Variants in FRMD3 observed in about 807,000 individuals in gnomAD.
FRMD3 encodes FERM domain-containing protein 3.
FRMD3 carries 33 observed loss-of-function variants against 70.2 expected under a neutral mutation model. The observed-to-expected ratio is 0.47, with a 90% CI of 0.36 to 0.63. The LOEUF is 0.63. FRMD3 is among the 20% of genes least tolerant of loss of function. FRMD3 has a pLI of 0.00. For missense variants in FRMD3, 632 were observed against 711.4 expected (o/e 0.89, Z 1.27); for synonymous variants, 279 against 255.9 (o/e 1.09, Z -0.86).
chr9:83,311,138 T>G (rs947968098), intron 8 of FRMD3, among the ~76,000 whole-genome samples: 3 of 152,134 alleles, frequency 2.0e-5, no homozygotes, highest in African/African-American at 7.2e-5. Flanking sequence ...TCTAAAAAAT[T>G]ATCCTTGTTT....
chr9:83,318,110 A>AT (rs1835654999), intron 6 of FRMD3, among the ~76,000 whole-genome samples: 1 of 152,198 alleles, frequency 6.6e-6, no homozygotes, highest in South Asian at 2.1e-4. Flanking sequence ...ATTTTATTTA[A>AT]TTTTTAATGT....
intron 1 of FRMD3, among the ~76,000 whole-genome samples, chr9:83,400,543 G>A (rs1245456860): frequency 1.3e-5 from 2 of 152,174 alleles, no homozygotes; most frequent in Non-Finnish European, 1.5e-5. Context: ...AGATTCTGAT[G>A]TTTTGTGAAA....
intron 13 of FRMD3, among the ~76,000 whole-genome samples, chr9:83,253,638 GAAATAGGAAC>G (rs1020409896): frequency 7.9e-5 from 12 of 152,328 alleles, no homozygotes; most frequent in Admixed American, 7.8e-4. Flanking sequence ...AGGATGTGGA[GAAATAGGAAC>G]ACTTTGACAC....
intron 6 of FRMD3, among the ~76,000 whole-genome samples, chr9:83,332,285 T>C (rs2131130952): frequency 6.6e-6 from 1 of 152,294 alleles, no homozygotes; most frequent in South Asian, 2.1e-4. Flanking sequence ...AACTTTTACC[T>C]TCAGTCATCA....
rs138936078 is a variant in FRMD3, at chr9:83,478,461, C to T, written c.147+59624G>A. On this transcript the variant is annotated intron_variant, in intron 1 of 13. Coordinates refer to ENST00000304195, the MANE Select transcript of FRMD3 (RefSeq NM_174938.6). ...TCAAAACCATAATGAGATACCACTTCACCCCATTAGGATAGCTATTATGAA... is the reference window on the plus strand; with the variant it reads ...TCAAAACCATAATGAGATACCACTTTACCCCATTAGGATAGCTATTATGAA... Among the ~76,000 whole-genome samples the T allele has an allele frequency of 2.7e-3, 415 of 152,290 alleles. 2 individuals are homozygous for T. Among genetic ancestry groups the T allele is most frequent in the African/African-American group, 9.6e-3 (397 of 41,564 alleles).
rs550936796 is a variant in FRMD3, at chr9:83,410,738, G to A, written c.148-21030C>T. 5.9e-5 allele frequency among the ~76,000 whole-genome samples: 9 copies of A among 152,294 alleles called. No homozygotes were observed. In the South Asian group the frequency reaches 8.3e-4, roughly 14 times the overall value. On this transcript the variant is annotated intron_variant, in intron 1 of 13. Transcript: ENST00000304195. ...AGAAATCTCCAAACTGCTTTCTACC[G>A]CAGCTGAACTAATTTACATTCTCAT...
intron 6 of FRMD3, 30 bp downstream of exon 6, chr9:83,335,486 C>A: frequency 6.3e-7 from 1 of 1,581,784 alleles, no homozygotes; most frequent in South Asian, 1.1e-5. Flanking sequence ...TCCCCTTTAT[C>A]ATTTTCACAA....
At chr9:83,330,457 A>G (rs1053468989) in intron 6 of FRMD3, among the ~76,000 whole-genome samples, 2 of 152,192 alleles carry the variant, frequency 1.3e-5, no homozygotes, top group African/African-American at 2.4e-5. Context: ...TCTGCACACC[A>G]AGCTTAAAGT....
chr9:83,391,809 C>T (rs1397011152), intron 1 of FRMD3, among the ~76,000 whole-genome samples: 3 of 152,178 alleles, frequency 2.0e-5, no homozygotes, highest in Non-Finnish European at 4.4e-5. Flanking sequence ...TGGTTCCAGA[C>T]CACCAGGTGG....
intron 1 of FRMD3, 37 bp from the exon 2 acceptor site, chr9:83,389,745 C>T (rs373574412): frequency 7.6e-6 from 11 of 1,453,724 alleles, no homozygotes; most frequent in African/African-American, 4.2e-5. Context: ...AGCCAGAGCT[C>T]ACCTTGTGCA....
At chr9:83,312,727 G>C (rs971645596) in intron 7 of FRMD3, among the ~76,000 whole-genome samples, 1 of 152,062 alleles carries the variant, frequency 6.6e-6, no homozygotes, top group Admixed American at 6.5e-5. Context: ...GGGTAGCCTG[G>C]TCGCCGCACC....
rs559724024 is a variant in FRMD3, at chr9:83,468,183, T to G, written c.147+69902A>C. 1.1e-4 allele frequency among the ~76,000 whole-genome samples: 17 copies of G among 152,328 alleles called. No homozygotes were observed. In the South Asian group the frequency reaches 1.9e-3, roughly 17 times the overall value. On this transcript the variant is annotated intron_variant, in intron 1 of 13. Transcript: ENST00000304195. ...AGAAATTAAATTACAGGTTTTATAT[T>G]CATTTGAAATCATTTCTGTAAGAAA...
intron 13 of FRMD3, among the ~76,000 whole-genome samples, chr9:83,279,974 TA>T (rs1449559119): frequency 6.6e-6 from 1 of 152,060 alleles, no homozygotes; most frequent in Non-Finnish European, 1.5e-5. Flanking sequence ...TCTAAAAAAG[TA>T]AAATAAAACT....
At chr9:83,307,848 T>TA (rs1835193403) in intron 10 of FRMD3, among the ~76,000 whole-genome samples, 1 of 152,012 alleles carries the variant, frequency 6.6e-6, no homozygotes, top group Admixed American at 6.5e-5. Flanking sequence ...TAAAACAAAA[T>TA]AAAAAATCAC....
intron 1 of FRMD3, among the ~76,000 whole-genome samples, chr9:83,411,677 C>T (rs1268043674): frequency 2.0e-5 from 3 of 152,180 alleles, no homozygotes; most frequent in African/African-American, 4.8e-5. Context: ...TTAATAACTT[C>T]GATGAGAAGT....
chr9:83,544,462 TG>T, the FRMD3 span, among the ~76,000 whole-genome samples: 1 of 152,086 alleles, frequency 6.6e-6, no homozygotes, highest in African/African-American at 2.4e-5. Flanking sequence ...ACTCAGAGAA[TG>T]GTGTATTCCA....
Position 83,278,733 on chromosome 9 carries a change from G to A in FRMD3, c.1195+11870C>T, listed in dbSNP as rs183766584. The stretch of plus-strand genomic sequence containing the variant: ...GCCACAGGGTCAGAGTCAGAAGCCC[G>A]GTCTAGCCCCAGAGACAAGGGCTGT... On this transcript the variant is annotated intron_variant, in intron 13 of 13. Coordinates refer to ENST00000304195, the MANE Select transcript of FRMD3 (RefSeq NM_174938.6). 1.6e-3 allele frequency among the ~76,000 whole-genome samples: 247 copies of A among 152,288 alleles called. 1 individual carries two copies. The highest frequency in any genetic ancestry group is 2.8e-3 in the Non-Finnish European group (190 of 68,020).
At chr9:83,438,247 C>A (rs1827193258) in intron 1 of FRMD3, among the ~76,000 whole-genome samples, 1 of 152,110 alleles carries the variant, frequency 6.6e-6, no homozygotes, top group South Asian at 2.1e-4. Context: ...AGAAACAGAA[C>A]CCAGAAATTC....
intron 1 of FRMD3, among the ~76,000 whole-genome samples, chr9:83,461,239 T>G (rs1025351970): frequency 1.3e-5 from 2 of 152,126 alleles, no homozygotes; most frequent in African/African-American, 4.8e-5. Flanking sequence ...AGGGAAAATT[T>G]GAAGATGCTG....
Sources: gnomAD v4.1 joint callset for allele counts (sites outside exome capture counted in the v4.1 genomes callset) on GRCh38, gnomAD v4.1.1 for gene constraint, MANE v1.5 for transcripts, NCBI Gene and HGNC (gene_info 2026-07-23, HGNC 2026-07-21) for gene names.